POTEJ: variants seen among roughly 807,000 people sequenced by gnomAD.
POTEJ encodes POTE ankyrin domain family member J, also known as POTE ankyrin domain family, member J.
Under a neutral mutation model 69.0 loss-of-function variants are expected in POTEJ, and 11 were observed. The observed-to-expected ratio is 0.16, with a 90% CI of 0.10 to 0.26. POTEJ has a LOEUF of 0.26. POTEJ is among the 10% of genes least tolerant of loss of function. The pLI, the probability that POTEJ is intolerant of heterozygous loss-of-function variation, is 1.00. For synonymous variants in POTEJ, 117 were observed against 381.1 expected (o/e 0.31, Z 8.07); for missense variants, 327 against 1,045.5 (o/e 0.31, Z 9.48).
intron 6 of POTEJ, among the ~76,000 whole-genome samples, chr2:130,625,173 T>C (rs1221067081): frequency 1.1e-4 from 16 of 152,168 alleles, no homozygotes; most frequent in African/African-American, 3.9e-4. Flanking sequence ...AAAGATGGAA[T>C]AGATGTAGTT....
intron 10 of POTEJ, among the ~76,000 whole-genome samples, chr2:130,639,286 A>G (rs1340828758): frequency 2.6e-5 from 4 of 152,308 alleles, no homozygotes; most frequent in African/African-American, 9.6e-5. Flanking sequence ...AAGTAAAAGT[A>G]AGGAATTTTT....
chr2:130,625,785 A>T (rs1279326614), intron 6 of POTEJ, among the ~76,000 whole-genome samples: 1 of 138,910 alleles, frequency 7.2e-6, no homozygotes, highest in East Asian at 1.9e-4. Context: ...GTGAATACTT[A>T]GCTAAGGCAA....
chr2:130,648,282 T>G lies in POTEJ; in HGVS notation c.1667+1972T>G, dbSNP rs1474178338. Among the ~76,000 whole-genome samples the G allele has an allele frequency of 3.1e-4, 46 of 146,640 alleles. No homozygotes were observed. The East Asian group carries it at 4.1e-3, about 13-fold the overall frequency. On this transcript the variant is annotated intron_variant, in intron 13 of 14. Coordinates refer to ENST00000409602, the MANE Select transcript of POTEJ (RefSeq NM_001277083.2). ...TTTTATAACCTTTAGAATATATAAT[T>G]GTTACATAAAATTTGAAAACTCCAC... is the stretch of plus-strand genomic sequence containing the variant.
Position 130,615,838 on chromosome 2 carries a change from T to A in POTEJ, c.411-952T>A, listed in dbSNP as rs1441036927. 2.8e-5 allele frequency among the ~76,000 whole-genome samples: 4 copies of A among 140,780 alleles called. No homozygotes were observed. The East Asian group carries it at 7.7e-4, about 27-fold the overall frequency. The allele number at this position is 140,780 out of a possible 152,430, so 92.4% of individuals were successfully genotyped here. A position where few individuals can be genotyped will look rare whatever the true frequency, so the allele number is the denominator to read the frequency against. On this transcript the variant is annotated intron_variant, in intron 1 of 14. Coordinates refer to ENST00000409602, the MANE Select transcript of POTEJ (RefSeq NM_001277083.2). ...CAAAATTTATAACAGTCTTAAATCC[T>A]AATATGAATGATTGGAAATATCTGA... is the stretch of plus-strand genomic sequence containing the variant.
intron 10 of POTEJ, among the ~76,000 whole-genome samples, chr2:130,641,132 C>G (rs1686353911): frequency 6.6e-6 from 1 of 152,052 alleles, no homozygotes; most frequent in South Asian, 2.1e-4. Context: ...TGACTGAGCT[C>G]CTATAAAACT....
rs1276511174 is a variant in POTEJ, at chr2:130,623,853, T to G, written c.945-211T>G. 8.6e-5 allele frequency among the ~76,000 whole-genome samples: 11 copies of G among 128,138 alleles called. 2 individuals carry two copies. The highest frequency in any genetic ancestry group is 3.8e-4 in the African/African-American group (11 of 29,032). 84.1% of individuals were successfully genotyped at this position (128,138 alleles called of 152,430 possible). ...CTAATTTACTGGGTCACAGTGCCCT[T>G]GATTTATGAGTATTTCACCTTACAT... On this transcript the variant is annotated intron_variant, in intron 5 of 14. Coordinates refer to ENST00000409602, the MANE Select transcript of POTEJ (RefSeq NM_001277083.2).
In POTEJ at chr2:130,631,159, G is replaced by A. The variant is rs570418461; in HGVS notation, c.1087-250G>A. Among the ~76,000 whole-genome samples, 9 of 148,836 alleles carry A rather than the reference G, an allele frequency of 6.0e-5. No homozygotes were observed. The East Asian group carries it at 1.7e-3, about 29-fold the overall frequency. ...ACGTTTTTTTTCTTCCTTGGGCTAAGGTGAATTATTTTTCACATGTTAGTC... is the reference window on the plus strand; with the variant it reads ...ACGTTTTTTTTCTTCCTTGGGCTAAAGTGAATTATTTTTCACATGTTAGTC... On this transcript the variant is annotated intron_variant, in intron 7 of 14. Coordinates refer to ENST00000409602, the MANE Select transcript of POTEJ (RefSeq NM_001277083.2).
At position 130,655,962 on chromosome 2, in the gene POTEJ, CA is replaced by C. The variant is rs1337402181; in HGVS notation, c.1789-586del. On this transcript the variant is annotated intron_variant, in intron 14 of 14. Coordinates refer to ENST00000409602, the MANE Select transcript of POTEJ (RefSeq NM_001277083.2). Reference sequence around the variant, plus strand: ...CAGATGTGTACAGTGTAGAAGGGTACAGTGCTTAGATTTGACAGTTATAAAT... The same window carrying C: ...CAGATGTGTACAGTGTAGAAGGGTACGTGCTTAGATTTGACAGTTATAAAT... 2.1e-5 allele frequency among the ~76,000 whole-genome samples: 3 copies of C among 140,416 alleles called. No homozygotes were observed. The East Asian group carries it at 5.9e-4, about 28-fold the overall frequency. The allele number at this position is 140,416 out of a possible 152,430, so 92.1% of individuals were successfully genotyped here. A position where few individuals can be genotyped will look rare whatever the true frequency, so the allele number is the denominator to read the frequency against.
At chr2:130,625,407 A>G (rs1685669399) in intron 6 of POTEJ, among the ~76,000 whole-genome samples, 1 of 151,716 alleles carries the variant, frequency 6.6e-6, no homozygotes, top group African/African-American at 2.4e-5. Context: ...TCATTATTTT[A>G]CTACTTTATT....
Position 130,615,720 on chromosome 2 carries a change from A to G in POTEJ, c.411-1070A>G, listed in dbSNP as rs532174425. ...CAACCCCCTTGGTGCACATTTACCT[A>G]TGTAACAAACCTGCACATCCGGCAC... On this transcript the variant is annotated intron_variant, in intron 1 of 14. Coordinates refer to ENST00000409602, the MANE Select transcript of POTEJ (RefSeq NM_001277083.2). Among the ~76,000 whole-genome samples, 1,372 of 149,094 alleles carry G rather than the reference A, an allele frequency of 9.2e-3. 49 individuals carry two copies. Among genetic ancestry groups the G allele is most frequent in the African/African-American group, 0.031 (1,204 of 39,422 alleles).
intron 8 of POTEJ, among the ~76,000 whole-genome samples, chr2:130,632,145 C>T (rs1326387996): frequency 2.7e-5 from 4 of 150,818 alleles, no homozygotes; most frequent in East Asian, 1.9e-4. Context: ...TTTTTATTTG[C>T]GTGTTCCCAT....
intron 6 of POTEJ, among the ~76,000 whole-genome samples, chr2:130,627,228 G>T (rs1272311277): frequency 6.6e-6 from 1 of 151,288 alleles, no homozygotes. Context: ...GTAGGTAATT[G>T]GATAACCAGC....
intron 13 of POTEJ, among the ~76,000 whole-genome samples, chr2:130,647,415 A>T (rs1686621836): frequency 1.3e-5 from 2 of 151,592 alleles, no homozygotes; most frequent in Admixed American, 1.3e-4. Flanking sequence ...TCTATATTTA[A>T]TATAAACATT....
intron 8 of POTEJ, among the ~76,000 whole-genome samples, 173 bp downstream of exon 8, chr2:130,631,626 T>C (rs1685903864): frequency 7.1e-6 from 1 of 141,822 alleles, no homozygotes; most frequent in Admixed American, 7.0e-5. Flanking sequence ...TTTCAAGAGA[T>C]ACAAACCCTA....
chr2:130,642,000 A>C (rs2105243674), intron 10 of POTEJ, among the ~76,000 whole-genome samples: 1 of 151,988 alleles, frequency 6.6e-6, no homozygotes, highest in South Asian at 2.1e-4. Flanking sequence ...TGTGAGTCAC[A>C]GCTGCCAGAA....
At chr2:130,624,253 G>C (rs1685624673) in intron 6 of POTEJ, 119 bp downstream of exon 6, 1 of 582,960 alleles carries the variant, frequency 1.7e-6, no homozygotes, top group South Asian at 2.1e-5. Flanking sequence ...ATGGTTTCAG[G>C]ATTATTCAAT....
intron 10 of POTEJ, among the ~76,000 whole-genome samples, chr2:130,642,190 G>C (rs1413961567): frequency 1.4e-5 from 2 of 143,844 alleles, no homozygotes; most frequent in Non-Finnish European, 3.0e-5. Context: ...ATGAAAAGAA[G>C]TAAGAGAAAG....
intron 1 of POTEJ, among the ~76,000 whole-genome samples, chr2:130,612,536 G>A (rs1450295508): frequency 2.6e-4 from 40 of 152,388 alleles, no homozygotes; most frequent in African/African-American, 4.8e-4. Context: ...GGAGGCGGGC[G>A]GATCACGAGG....
chr2:130,639,151 C>T (rs1273060179), intron 10 of POTEJ, among the ~76,000 whole-genome samples: 1 of 152,422 alleles, frequency 6.6e-6, no homozygotes, highest in East Asian at 1.9e-4. Context: ...GATGAAGCTT[C>T]CCTGGCTTGC....
Sources: allele counts gnomAD v4.1 joint callset (sites outside exome capture counted in the v4.1 genomes callset), GRCh38; gene constraint gnomAD v4.1.1; transcripts MANE v1.5; gene names NCBI Gene and HGNC (gene_info 2026-07-23, HGNC 2026-07-21).